Variants in ATXN1 observed in about 807,000 individuals in gnomAD.
The protein encoded by ATXN1 is ataxin 1.
Under a neutral mutation model 56.4 loss-of-function variants are expected in ATXN1, and 8 were observed. The observed-to-expected ratio is 0.14, with a 90% CI of 0.08 to 0.26. The LOEUF is 0.26. Among genes scored for constraint, ATXN1 ranks in the 10% least tolerant of loss-of-function variants. The pLI, the probability that ATXN1 is intolerant of heterozygous loss-of-function variation, is 1.00. For missense variants in ATXN1, 987 were observed against 1,106.5 expected, an observed-to-expected ratio of 0.89 and a Z score of 1.53; for synonymous variants, 514 against 494.6, an observed-to-expected ratio of 1.04 and a Z score of -0.52.
At chr6:16,445,659 G>T (rs925797013) in intron 6 of ATXN1, among the ~76,000 whole-genome samples, 2 of 145,310 alleles carry the variant, frequency 1.4e-5, no homozygotes, top group South Asian at 2.3e-4. Context: ...ATCTCCTAAT[G>T]CTATCCCTCC....
At chr6:16,331,849 A>G (rs1760999693) in intron 6 of ATXN1, among the ~76,000 whole-genome samples, 1 of 152,230 alleles carries the variant, frequency 6.6e-6, no homozygotes, top group Non-Finnish European at 1.5e-5. Context: ...TTGAAAAAGA[A>G]TGCTGACTTG....
Position 16,327,666 on chromosome 6 carries a change from C to CTGCTGCTGA in ATXN1, c.644_645insTCAGCAGCA (p.Gln214_Gln215insHisGlnGln). 1 of 1,528,030 alleles carries CTGCTGCTGA rather than the reference C, an allele frequency of 6.5e-7. No individual in the cohort carries two copies. Among genetic ancestry groups the CTGCTGCTGA allele is most frequent in the East Asian group, 2.7e-5 (1 of 36,744 alleles). 94.7% of individuals were successfully genotyped at this position (1,528,030 alleles called of 1,614,324 possible). Reference sequence around the variant, plus strand: ...GCTGCTGCTGCTGCTGCTGCTGCTGCTGCTGCTGCTGATGCTGATGCTGCT... The same window carrying CTGCTGCTGA: ...GCTGCTGCTGCTGCTGCTGCTGCTGCTGCTGCTGATGCTGCTGCTGATGCTGATGCTGCT... On this transcript the variant is annotated inframe_insertion, in exon 7 of 8. Transcript: ENST00000436367.
chr6:16,686,941 G>C (rs1385685473), intron 2 of ATXN1, among the ~76,000 whole-genome samples: 1 of 152,088 alleles, frequency 6.6e-6, no homozygotes, highest in Non-Finnish European at 1.5e-5. Context: ...AATGTGCATG[G>C]GGCTGTAATT....
At chr6:16,393,193 C>T (rs913259698) in intron 6 of ATXN1, among the ~76,000 whole-genome samples, 6 of 152,120 alleles carry the variant, frequency 3.9e-5, no homozygotes, top group South Asian at 2.1e-4. Flanking sequence ...GTATGACTTA[C>T]GAATGATCAC....
In ATXN1 at chr6:16,482,578, T is replaced by G. The variant is rs540799722; in HGVS notation, c.-161+3394A>C. ...TGGATCACTTTCTCCTTGCTTAGAC[T>G]CTAACCAATATTTGAGCACAGAGGT... On this transcript the variant is annotated intron_variant, in intron 6 of 7. Transcript: ENST00000436367. Among the ~76,000 whole-genome samples, 4 of 152,310 alleles carry G rather than the reference T, an allele frequency of 2.6e-5. No homozygotes were observed. The South Asian group carries it at 8.3e-4, about 32-fold the overall frequency.
intron 6 of ATXN1, among the ~76,000 whole-genome samples, chr6:16,357,646 T>A (rs1761719289): frequency 6.6e-6 from 1 of 152,206 alleles, no homozygotes; most frequent in Non-Finnish European, 1.5e-5. Flanking sequence ...CTTTCCACTC[T>A]ACACCATGGC....
chr6:16,633,773 A>G (rs551864368), intron 3 of ATXN1, among the ~76,000 whole-genome samples: 32 of 152,376 alleles, frequency 2.1e-4, no homozygotes, highest in African/African-American at 7.5e-4. Flanking sequence ...AAGTGAAGCA[A>G]TGATAGTGAC....
At chr6:16,421,958 T>G (rs1241042218) in intron 6 of ATXN1, among the ~76,000 whole-genome samples, 3 of 152,198 alleles carry the variant, frequency 2.0e-5, no homozygotes, top group East Asian at 1.9e-4. Context: ...GGCCACTGCA[T>G]ATGCATTTTT....
chr6:16,577,290 G>A (rs1381024359), intron 4 of ATXN1, among the ~76,000 whole-genome samples: 5 of 152,128 alleles, frequency 3.3e-5, no homozygotes, highest in Non-Finnish European at 7.4e-5. Context: ...TTGGGAGGCC[G>A]AGGAGGGTGG....
chr6:16,335,003 T>A (rs1449411232), intron 6 of ATXN1, among the ~76,000 whole-genome samples: 1 of 152,214 alleles, frequency 6.6e-6, no homozygotes, highest in East Asian at 1.9e-4. Context: ...CAGGGATCTC[T>A]GGGTCACCCC....
At chr6:16,363,629 G>A (rs966781901) in intron 6 of ATXN1, among the ~76,000 whole-genome samples, 6 of 152,168 alleles carry the variant, frequency 3.9e-5, no homozygotes, top group African/African-American at 1.2e-4. Flanking sequence ...TTATAAAGTG[G>A]ACCAGTACAG....
At chr6:16,364,797 G>A (rs1254077941) in intron 6 of ATXN1, among the ~76,000 whole-genome samples, 1 of 93,056 alleles carries the variant, frequency 1.1e-5, no homozygotes, top group Admixed American at 1.3e-4. Context: ...GGATCCACTC[G>A]TTCAGATTAT....
Position 16,349,516 on chromosome 6 carries a change from GA to G in ATXN1, c.-160-21047del, listed in dbSNP as rs1214880382. ...GACTGTGTCTCAAAAAAGAAAGAAA[GA>G]AAAAAAAAAAACACATTTTCCTCCC... On this transcript the variant is annotated intron_variant, in intron 6 of 7. Coordinates refer to ENST00000436367, the MANE Select transcript of ATXN1 (RefSeq NM_001128164.2). Among the ~76,000 whole-genome samples, 964 of 137,750 alleles carry G rather than the reference GA, an allele frequency of 7.0e-3. 15 individuals are homozygous for G. The highest frequency in any genetic ancestry group is 0.014 in the Middle Eastern group (4 of 278). The allele number at this position is 137,750 out of a possible 152,430, so 90.4% of individuals were successfully genotyped here. A position where few individuals can be genotyped will look rare whatever the true frequency, so the allele number is the denominator to read the frequency against.
At chr6:16,317,467 G>C (rs1166818695) in intron 7 of ATXN1, among the ~76,000 whole-genome samples, 1 of 152,072 alleles carries the variant, frequency 6.6e-6, no homozygotes, top group Non-Finnish European at 1.5e-5. Flanking sequence ...TGGGATTATA[G>C]GCGCCTGCCA....
At position 16,308,322 on chromosome 6, in the gene ATXN1, T is replaced by TCACACACACACACACACACA. The variant is rs35291830; in HGVS notation, c.1918-1483_1918-1464dup. On this transcript the variant is annotated intron_variant, in intron 7 of 7. Coordinates refer to ENST00000436367, the MANE Select transcript of ATXN1 (RefSeq NM_001128164.2). ...GCCTGGGCGACAGAGTGAAACTCCG[T>TCACACACACACACACACACA]CACACACACACACACACACACACAC... is the stretch of plus-strand genomic sequence containing the variant. 2.6e-4 allele frequency among the ~76,000 whole-genome samples: 35 copies of TCACACACACACACACACACA among 132,726 alleles called. 1 individual carries two copies. In the East Asian group the frequency reaches 3.7e-3, roughly 14 times the overall value. The allele number at this position is 132,726 out of a possible 152,430, so 87.1% of individuals were successfully genotyped here. A position where few individuals can be genotyped will look rare whatever the true frequency, so the allele number is the denominator to read the frequency against.
intron 4 of ATXN1, among the ~76,000 whole-genome samples, chr6:16,571,660 TA>T (rs563930717): frequency 2.7e-4 from 39 of 144,380 alleles, no homozygotes; most frequent in Middle Eastern, 3.5e-3. Flanking sequence ...CTCAGCTAAT[TA>T]AAAAAAAAAA....
intron 4 of ATXN1, among the ~76,000 whole-genome samples, chr6:16,537,688 A>C (rs1359178545): frequency 3.3e-5 from 5 of 151,828 alleles, no homozygotes; most frequent in African/African-American, 9.7e-5. Flanking sequence ...TCTGGGCAAC[A>C]AGAGTGAAAC....
At chr6:16,458,966 G>A (rs1314735949) in intron 6 of ATXN1, among the ~76,000 whole-genome samples, 1 of 152,222 alleles carries the variant, frequency 6.6e-6, no homozygotes, top group Non-Finnish European at 1.5e-5. Context: ...CTTCCTCCTG[G>A]ACACTGGCAT....
chr6:16,571,638 CACA>C (rs1762334064), intron 4 of ATXN1, among the ~76,000 whole-genome samples: 1 of 151,626 alleles, frequency 6.6e-6, no homozygotes, highest in South Asian at 2.1e-4. Flanking sequence ...ACTACAGACT[CACA>C]ACATTACACT....
Sources: gnomAD v4.1 joint callset for allele counts (sites outside exome capture counted in the v4.1 genomes callset) on GRCh38, gnomAD v4.1.1 for gene constraint, MANE v1.5 for transcripts, NCBI Gene and HGNC (gene_info 2026-07-23, HGNC 2026-07-21) for gene names.